The following TJP1 variants were observed in gnomAD, a reference collection of about 807,000 sequenced individuals.
The protein encoded by TJP1 is tight junction protein 1.
In TJP1, 43 loss-of-function variants were observed where a neutral mutation model predicts 194.2. The ratio of observed to expected loss-of-function variants is 0.22; its 90% CI spans 0.17 to 0.29. The LOEUF (loss-of-function observed/expected upper bound fraction) is 0.29. Among genes scored for constraint, TJP1 ranks in the 10% least tolerant of loss-of-function variants. TJP1 has a pLI of 1.00. For missense variants in TJP1, 1,971 were observed against 2,185.7 expected, an observed-to-expected ratio of 0.90 and a Z score of 1.96; for synonymous variants, 801 against 779.0, an observed-to-expected ratio of 1.03 and a Z score of -0.47.
At chr15:29,720,878 C>T (rs2042888113) in intron 18 of TJP1, among the ~76,000 whole-genome samples, 170 bp from the exon 19 acceptor site, 2 of 152,164 alleles carry the variant, frequency 1.3e-5, no homozygotes, top group Admixed American at 6.5e-5. Context: ...CACACGCAGA[C>T]ACATGGAGCA....
chr15:29,881,726 T>C (rs1463844950), intron 2 of TJP1, among the ~76,000 whole-genome samples: 1 of 152,158 alleles, frequency 6.6e-6, no homozygotes, highest in African/African-American at 2.4e-5. Flanking sequence ...GCTTTGTGGA[T>C]ACTTACCAGT....
Position 29,707,387 on chromosome 15 carries a change from C to T in TJP1, c.4850+1172G>A, listed in dbSNP as rs3784355. 4.0e-3 allele frequency among the ~76,000 whole-genome samples: 609 copies of T among 152,276 alleles called. 31 individuals carry two copies. In the East Asian group the frequency reaches 0.099, roughly 25 times the overall value. ...CCGGAGTGCCAGGGACGACATCCTACGACACAACATCAAGGGAGCAGAGCG... is the reference window on the plus strand; with the variant it reads ...CCGGAGTGCCAGGGACGACATCCTATGACACAACATCAAGGGAGCAGAGCG... On this transcript the variant is annotated intron_variant, in intron 25 of 27. Coordinates refer to ENST00000614355, the MANE Select transcript of TJP1 (RefSeq NM_001330239.4).
chr15:29,705,699 C>A lies in TJP1; in HGVS notation c.4897G>T (p.Val1633Leu), dbSNP rs1195229101. ...EDEDEDGHTV[V>L]ATARGIFNSN... is the part of the protein sequence containing the mutation. ...TTAAATATGCCTCGGGCTGTGGCCACCACAGTATGACCATCTTCATCTTCA... is the reference window on the plus strand; with the variant it reads ...TTAAATATGCCTCGGGCTGTGGCCAACACAGTATGACCATCTTCATCTTCA... The change falls in exon 26 of 28, where the codon GTG becomes TTG. Residue 1633 changes from valine to leucine, a missense_variant. Transcript: ENST00000614355. The A allele has an allele frequency of 6.2e-7, 1 of 1,614,112 alleles. No homozygotes were observed. The highest frequency in any genetic ancestry group is 8.5e-7 in the Non-Finnish European group (1 of 1,180,022).
At chr15:29,951,064 A>G (rs537683756) in intron 2 of TJP1, among the ~76,000 whole-genome samples, 1 of 152,370 alleles carries the variant, frequency 6.6e-6, no homozygotes, top group Admixed American at 6.5e-5. Flanking sequence ...TGCATCAATT[A>G]CATCAATTAC....
intron 4 of TJP1, among the ~76,000 whole-genome samples, chr15:29,770,567 T>A (rs2046599730): frequency 6.7e-6 from 1 of 149,870 alleles, no homozygotes; most frequent in South Asian, 2.1e-4. Flanking sequence ...TACAAAAAAA[T>A]TAGCTCTGGT....
intron 2 of TJP1, among the ~76,000 whole-genome samples, chr15:29,949,925 ACCACC>A (rs2055596973): frequency 2.4e-5 from 1 of 41,336 alleles, no homozygotes; most frequent in Non-Finnish European, 3.7e-5. Flanking sequence ...CTCCACCTTC[ACCACC>A]ACCACCACCT....
chr15:29,930,536 T>C (rs2054672884), intron 2 of TJP1, among the ~76,000 whole-genome samples: 1 of 149,392 alleles, frequency 6.7e-6, no homozygotes, highest in Non-Finnish European at 1.5e-5. Flanking sequence ...CACTCATTCC[T>C]GATACAAACA....
intron 2 of TJP1, among the ~76,000 whole-genome samples, chr15:29,869,151 A>C (rs1424925966): frequency 1.3e-5 from 2 of 152,236 alleles, no homozygotes. Flanking sequence ...TTTCAGATGA[A>C]TCAAGTTTTC....
At chr15:29,949,823 T>TCCA (rs1401621469) in intron 2 of TJP1, among the ~76,000 whole-genome samples, 1 of 24,024 alleles carries the variant, frequency 4.2e-5, no homozygotes, top group Non-Finnish European at 7.0e-5. Flanking sequence ...CACTGCTACC[T>TCCA]CCACCACCAC....
chr15:29,754,702 T>C (rs972227868), intron 8 of TJP1, among the ~76,000 whole-genome samples: 1 of 152,182 alleles, frequency 6.6e-6, no homozygotes, highest in Admixed American at 6.5e-5. Context: ...TTTCGGATTT[T>C]GGAATATGTG....
intron 2 of TJP1, among the ~76,000 whole-genome samples, chr15:29,785,093 C>A (rs886841827): frequency 6.6e-6 from 1 of 152,068 alleles, no homozygotes; most frequent in African/African-American, 2.4e-5. Context: ...TATAGTTCTG[C>A]CAAGACAGTT....
intron 10 of TJP1, 163 bp downstream of exon 10, chr15:29,741,168 T>G: frequency 1.8e-6 from 1 of 548,730 alleles, no homozygotes; most frequent in South Asian, 2.9e-5. Context: ...TCTAACTCAC[T>G]ATCATATATA....
intron 1 of TJP1, among the ~76,000 whole-genome samples, chr15:29,815,953 T>TA (rs2049884961): frequency 6.6e-6 from 1 of 152,042 alleles, no homozygotes; most frequent in African/African-American, 2.4e-5. Context: ...GTACTACATA[T>TA]ACTGCGTTAC....
intron 2 of TJP1, among the ~76,000 whole-genome samples, chr15:29,893,236 A>T (rs2053368996): frequency 6.6e-6 from 1 of 152,182 alleles, no homozygotes; most frequent in Non-Finnish European, 1.5e-5. Context: ...TCATGATAAA[A>T]CTTGAACAGT....
intron 2 of TJP1, among the ~76,000 whole-genome samples, chr15:29,897,446 G>A (rs988319785): frequency 2.6e-5 from 4 of 152,196 alleles, no homozygotes; most frequent in African/African-American, 9.6e-5. Flanking sequence ...TTGAGAACCT[G>A]TGCTAGGGCA....
intron 2 of TJP1, among the ~76,000 whole-genome samples, chr15:29,867,410 G>GT (rs1352205574): frequency 5.9e-5 from 9 of 152,180 alleles, no homozygotes; most frequent in Admixed American, 5.9e-4. Flanking sequence ...CTGGAAGAAG[G>GT]TAACTTGCTT....
chr15:29,705,094 T>C (rs1003428422), intron 26 of TJP1, among the ~76,000 whole-genome samples: 1 of 152,216 alleles, frequency 6.6e-6, no homozygotes, highest in African/African-American at 2.4e-5. Flanking sequence ...CATGTACTAG[T>C]GCTAGGTTCT....
At chr15:29,728,270 C>A (rs1293427636) in intron 15 of TJP1, 1 of 379,352 alleles carries the variant, frequency 2.6e-6, no homozygotes, top group South Asian at 4.7e-5. Flanking sequence ...TACAGGAATG[C>A]ACATTTTTTT....
chr15:29,935,080 C>T (rs2054839621), intron 2 of TJP1, among the ~76,000 whole-genome samples: 2 of 152,200 alleles, frequency 1.3e-5, no homozygotes, highest in Admixed American at 6.5e-5. Flanking sequence ...TCACATTATT[C>T]CGTGTTCCAC....
Sources: gnomAD v4.1 joint callset for allele counts (sites outside exome capture counted in the v4.1 genomes callset) on GRCh38, gnomAD v4.1.1 for gene constraint, MANE v1.5 for transcripts, NCBI Gene and HGNC (gene_info 2026-07-23, HGNC 2026-07-21) for gene names.